Variants in TMTC2 observed in about 807,000 individuals in gnomAD.
TMTC2 encodes the protein transmembrane O-mannosyltransferase targeting cadherins 2, also known as protein O-mannosyl-transferase TMTC2.
Under a neutral mutation model 82.4 loss-of-function variants are expected in TMTC2, and 43 were observed. The observed-to-expected ratio is 0.52, with a 90% CI of 0.41 to 0.67. The LOEUF is 0.67. Among genes scored for constraint, TMTC2 ranks in the 30% least tolerant of loss-of-function variants. The pLI, the probability that TMTC2 is intolerant of heterozygous loss-of-function variation, is 0.00. For missense variants in TMTC2, 919 were observed against 1,012.4 expected, an observed-to-expected ratio of 0.91 and a Z score of 1.25; for synonymous variants, 408 against 381.9, an observed-to-expected ratio of 1.07 and a Z score of -0.80.
chr12:82,787,634 C>T (rs565526046), intron 1 of TMTC2, among the ~76,000 whole-genome samples: 2 of 152,100 alleles, frequency 1.3e-5, no homozygotes, highest in African/African-American at 2.4e-5. Flanking sequence ...CCTGGCCAGA[C>T]GCAGTTGCTC....
chr12:82,799,497 C>G (rs1418002636), intron 1 of TMTC2, among the ~76,000 whole-genome samples: 1 of 152,100 alleles, frequency 6.6e-6, no homozygotes, highest in Non-Finnish European at 1.5e-5. Context: ...AGCAAAGTAC[C>G]ACAGACTGGG....
chr12:83,125,221 A>G (rs181325299), intron 11 of TMTC2, among the ~76,000 whole-genome samples: 2 of 152,322 alleles, frequency 1.3e-5, no homozygotes, highest in African/African-American at 4.8e-5. Flanking sequence ...CATTACCTTG[A>G]GTGAACTTAT....
In TMTC2 at chr12:82,936,991, A is replaced by G. The variant is rs115797146; in HGVS notation, c.1598+6446A>G. On this transcript the variant is annotated intron_variant, in intron 4 of 11. Transcript: ENST00000321196. ...GTATTAGGATAACCACATTCTTTGA[A>G]CTATGTAAGTATATTTTGATCATTA... Among the ~76,000 whole-genome samples, 730 of 152,258 alleles carry G rather than the reference A, an allele frequency of 4.8e-3. 8 individuals are homozygous for G. The highest frequency in any genetic ancestry group is 0.016 in the African/African-American group (657 of 41,562).
Position 83,003,376 on chromosome 12 carries a change from T to C in TMTC2, c.2070+17330T>C, listed in dbSNP as rs1565848006. Among the ~76,000 whole-genome samples, 6 of 150,348 alleles carry C rather than the reference T, an allele frequency of 4.0e-5. No individual in the cohort carries two copies. The South Asian group carries it at 1.2e-3, about 31-fold the overall frequency. On this transcript the variant is annotated intron_variant, in intron 8 of 11. Coordinates refer to ENST00000321196, the MANE Select transcript of TMTC2 (RefSeq NM_152588.3). ...TCTTGATTTTTTAATGTAACTTGCC[T>C]TTCTATGCCTCTTACGTGGGGGTGT... is the stretch of plus-strand genomic sequence containing the variant.
intron 2 of TMTC2, among the ~76,000 whole-genome samples, chr12:82,881,994 ATTTTTTTTTTTT>A (rs869127384): frequency 1.9e-5 from 2 of 107,280 alleles, no homozygotes; most frequent in East Asian, 5.1e-4. Flanking sequence ...TGTTGTTAAG[ATTTTTTTTTTTT>A]TTTTTTTTTT....
chr12:82,767,752 C>T (rs1017832858), intron 1 of TMTC2, among the ~76,000 whole-genome samples: 4 of 152,104 alleles, frequency 2.6e-5, no homozygotes, highest in East Asian at 1.9e-4. Context: ...TTGTTTTCTA[C>T]GATTGGTTCT....
chr12:82,897,147 G>C (rs1198159488), intron 3 of TMTC2, among the ~76,000 whole-genome samples: 1 of 152,154 alleles, frequency 6.6e-6, no homozygotes, highest in Non-Finnish European at 1.5e-5. Context: ...AGATGTCAGT[G>C]TGTACACATT....
chr12:82,829,741 C>T (rs747509545), intron 1 of TMTC2, among the ~76,000 whole-genome samples: 2 of 152,048 alleles, frequency 1.3e-5, no homozygotes, highest in Non-Finnish European at 2.9e-5. Context: ...CCAAGGAGAC[C>T]TCATCTACTC....
At chr12:82,784,745 T>G (rs1437305077) in intron 1 of TMTC2, among the ~76,000 whole-genome samples, 2 of 152,148 alleles carry the variant, frequency 1.3e-5, no homozygotes, top group Admixed American at 6.5e-5. Flanking sequence ...TTTTTGTATT[T>G]GGAGGTTTTA....
rs758805462 is a variant in TMTC2, at chr12:82,896,549, A to G, written c.1386A>G (p.Leu462=). Residue 462 remains leucine, a synonymous_variant, in exon 3 of 12, where the codon CTA becomes CTG. Coordinates refer to ENST00000321196, the MANE Select transcript of TMTC2 (RefSeq NM_152588.3). Reference sequence around the variant, plus strand: ...TGATTTTTTATGCTACAGCTACACTAATTGTTTTTTATGGACTCAAGACTG... The same window carrying G: ...TGATTTTTTATGCTACAGCTACACTGATTGTTTTTTATGGACTCAAGACTG... ...KSLIFYATAT[L]IVFYGLKTAI... is the part of the protein sequence containing the mutation. The G allele has an allele frequency of 6.2e-7, 1 of 1,614,128 alleles. No homozygotes were observed. The highest frequency in any genetic ancestry group is 8.5e-7 in the Non-Finnish European group (1 of 1,180,022).
chr12:82,798,856 G>A (rs1378529534), intron 1 of TMTC2, among the ~76,000 whole-genome samples: 3 of 149,928 alleles, frequency 2.0e-5, no homozygotes, highest in African/African-American at 7.4e-5. Context: ...GAGAAGTTGT[G>A]ACTAATGAAC....
intron 4 of TMTC2, 54 bp downstream of exon 4, chr12:82,930,599 G>T: frequency 9.2e-7 from 1 of 1,084,756 alleles, no homozygotes; most frequent in Non-Finnish European, 1.4e-6. Flanking sequence ...TGCAGTGAGA[G>T]GGACTATTGA....
chr12:82,778,999 T>C (rs1263179086), intron 1 of TMTC2, among the ~76,000 whole-genome samples: 2 of 143,826 alleles, frequency 1.4e-5, no homozygotes, highest in Non-Finnish European at 3.0e-5. Flanking sequence ...ATTGCACCAC[T>C]GCACTCCAAC....
chr12:83,007,236 G>C (rs1413360789), intron 8 of TMTC2, among the ~76,000 whole-genome samples: 19 of 151,446 alleles, frequency 1.3e-4, no homozygotes, highest in Non-Finnish European at 1.6e-4. Context: ...GCTGACTTTG[G>C]ACTTAGTTTC....
At chr12:82,694,641 C>T (rs1432877459) in intron 1 of TMTC2, among the ~76,000 whole-genome samples, 3 of 152,080 alleles carry the variant, frequency 2.0e-5, no homozygotes, top group Non-Finnish European at 2.9e-5. Flanking sequence ...TGAAATGAAA[C>T]ACACATTAGT....
intron 1 of TMTC2, among the ~76,000 whole-genome samples, chr12:82,830,725 A>G (rs926855086): frequency 6.6e-6 from 1 of 152,222 alleles, no homozygotes; most frequent in Admixed American, 6.5e-5. Flanking sequence ...GGATTATGGA[A>G]TCTTCATTCA....
intron 10 of TMTC2, among the ~76,000 whole-genome samples, chr12:83,053,988 T>C (rs546297220): frequency 1.8e-4 from 27 of 152,230 alleles, no homozygotes; most frequent in African/African-American, 6.5e-4. Flanking sequence ...CCTGCCTTCC[T>C]TGAAGCTGAA....
At chr12:83,100,505 T>A (rs1884182969) in intron 11 of TMTC2, among the ~76,000 whole-genome samples, 1 of 152,208 alleles carries the variant, frequency 6.6e-6, no homozygotes, top group African/African-American at 2.4e-5. Context: ...AATTCAGATA[T>A]TCGTATCCCA....
intron 1 of TMTC2, among the ~76,000 whole-genome samples, chr12:82,840,943 C>T (rs1360965270): frequency 2.0e-5 from 3 of 152,052 alleles, no homozygotes; most frequent in African/African-American, 7.2e-5. Flanking sequence ...CCATGCCTGA[C>T]TAATTTTTGT....
Sources: allele counts gnomAD v4.1 joint callset (sites outside exome capture counted in the v4.1 genomes callset), GRCh38; gene constraint gnomAD v4.1.1; transcripts MANE v1.5; gene names NCBI Gene and HGNC (gene_info 2026-07-23, HGNC 2026-07-21).